The following MOB4 variants were observed in gnomAD, a reference collection of about 807,000 sequenced individuals.
The protein encoded by MOB4 is MOB-like protein phocein.
A neutral mutation model predicts 32.2 loss-of-function variants in MOB4; 4 were observed. The observed-to-expected ratio is 0.12, with a 90% confidence interval of 0.06 to 0.28. The LOEUF is 0.28. Ranked by LOEUF, MOB4 falls within the 10% of genes least tolerant of loss-of-function variation. MOB4 has a pLI of 1.00. For missense variants in MOB4, 158 were observed against 271.2 expected, an observed-to-expected ratio of 0.58 and a Z score of 2.93; for synonymous variants, 88 against 88.1, an observed-to-expected ratio of 1.00 and a Z score of 0.01.
rs1023269864 is a variant in MOB4, at chr2:197,552,919, T to C, written c.*2273T>C. The C allele has an allele frequency of 9.9e-5, 15 of 152,248 alleles. No homozygotes were observed. Among genetic ancestry groups the C allele is most frequent in the Admixed American group, 8.5e-4 (13 of 15,282 alleles). The allele number at this position is 152,248 out of a possible 1,614,324, so 9.4% of individuals were successfully genotyped here. ...CCCTATGTATATCCGAAGGTAAACTTAGGCTTTTCTTTCCAAAAGATCGTA... is the reference window on the plus strand; with the variant it reads ...CCCTATGTATATCCGAAGGTAAACTCAGGCTTTTCTTTCCAAAAGATCGTA... On this transcript the variant is annotated 3_prime_UTR_variant, in exon 8 of 8. Transcript: ENST00000323303.
rs755755601 is a variant in MOB4 at position 197,552,813 on chromosome 2, T to C, written c.*2167T>C. 1 of 152,432 alleles carries C rather than the reference T, an allele frequency of 6.6e-6. No individual in the cohort carries two copies. The highest frequency in any genetic ancestry group is 1.5e-5 in the Non-Finnish European group (1 of 68,030). 9.4% of individuals were successfully genotyped at this position (152,432 alleles called of 1,614,324 possible). On this transcript the variant is annotated 3_prime_UTR_variant, in exon 8 of 8. Coordinates refer to ENST00000323303, the MANE Select transcript of MOB4 (RefSeq NM_015387.5). ...TTAATGAGCCTGGCAAACCATTGAT[T>C]TATAAAAGTAAGTGTTCTAAGAGGG...
intron 1 of MOB4, chr2:197,516,489 AC>A: frequency 1.1e-6 from 1 of 923,652 alleles, no homozygotes; most frequent in Non-Finnish European, 1.5e-6. Flanking sequence ...GAGGGGCGCG[AC>A]CAGCCTGGTG....
In MOB4 at chr2:197,552,030, A is replaced by G. The variant is rs755566958; in HGVS notation, c.*1384A>G. On this transcript the variant is annotated 3_prime_UTR_variant, in exon 8 of 8. Coordinates refer to ENST00000323303, the MANE Select transcript of MOB4 (RefSeq NM_015387.5). ...TGAAGATGAAAATGTATTCATCTTAATTGTTTTTTCAAATTTAAGGGAATA... is the reference window on the plus strand; with the variant it reads ...TGAAGATGAAAATGTATTCATCTTAGTTGTTTTTTCAAATTTAAGGGAATA... 1 of 152,320 alleles carries G rather than the reference A, an allele frequency of 6.6e-6. No homozygotes were observed. The highest frequency in any genetic ancestry group is 1.5e-5 in the Non-Finnish European group (1 of 68,024). 9.4% of individuals were successfully genotyped at this position (152,320 alleles called of 1,614,324 possible). A position where few individuals can be genotyped will look rare whatever the true frequency, so the allele number is the denominator to read the frequency against.
chr2:197,534,612 G>C (rs2106121122), intron 2 of MOB4, among the ~76,000 whole-genome samples: 1 of 152,220 alleles, frequency 6.6e-6, no homozygotes, highest in East Asian at 1.9e-4. Flanking sequence ...GCACGATCTT[G>C]GTTCACTGCA....
chr2:197,516,319 G>T, intron 1 of MOB4, 173 bp downstream of exon 1: 1 of 1,429,170 alleles, frequency 7.0e-7, no homozygotes. Context: ...TGAGGCGGTG[G>T]CGGCCGCCGT....
chr2:197,517,054 T>C (rs887722144), intron 1 of MOB4, among the ~76,000 whole-genome samples: 1 of 152,176 alleles, frequency 6.6e-6, no homozygotes, highest in East Asian at 1.9e-4. Flanking sequence ...AACAAAACAA[T>C]CGTGGAGCTA....
At chr2:197,516,959 G>C (rs1291103439) in intron 1 of MOB4, among the ~76,000 whole-genome samples, 2 of 152,186 alleles carry the variant, frequency 1.3e-5, no homozygotes, top group East Asian at 3.8e-4. Flanking sequence ...ATTGCTAGCC[G>C]AAATGGCTTG....
At chr2:197,544,216 C>T (rs188291177) in intron 5 of MOB4, among the ~76,000 whole-genome samples, 2 of 152,252 alleles carry the variant, frequency 1.3e-5, no homozygotes, top group East Asian at 1.9e-4. Context: ...GGACAACAGG[C>T]GTGCACCACC....
At chr2:197,515,942 C>A (rs893650627), upstream of MOB4, 2 of 804,256 alleles carry the variant, frequency 2.5e-6, no homozygotes, top group Non-Finnish European at 3.9e-6. Flanking sequence ...CCGCTTCTAC[C>A]CGGACGGCTC....
intron 1 of MOB4, chr2:197,516,537 A>G: frequency 1.8e-6 from 1 of 564,096 alleles, no homozygotes; most frequent in East Asian, 6.1e-5. Flanking sequence ...GGGGCCGCTG[A>G]GGTGGGAGGG....
chr2:197,547,456 A>G (rs1180025918), intron 5 of MOB4, among the ~76,000 whole-genome samples: 1 of 152,174 alleles, frequency 6.6e-6, no homozygotes, highest in Non-Finnish European at 1.5e-5. Context: ...TGCTCATGGT[A>G]CTGTTTTTGG....
At chr2:197,515,959 C>G, upstream of MOB4, 1 of 953,954 alleles carries the variant, frequency 1.0e-6, no homozygotes, top group East Asian at 3.1e-5. Context: ...GCTCCCGGCG[C>G]AGGCTGCAGC....
chr2:197,529,023 G>A (rs182021170), intron 2 of MOB4, among the ~76,000 whole-genome samples: 6 of 151,144 alleles, frequency 4.0e-5, no homozygotes, highest in South Asian at 2.1e-4. Flanking sequence ...GTGCAGTGGC[G>A]CGATCTCGGC....
intron 2 of MOB4, among the ~76,000 whole-genome samples, chr2:197,527,909 A>G (rs1044344140): frequency 1.3e-5 from 2 of 152,158 alleles, no homozygotes; most frequent in Non-Finnish European, 2.9e-5. Flanking sequence ...CCGTTTGTAT[A>G]TTAATGTAGT....
intron 2 of MOB4, among the ~76,000 whole-genome samples, chr2:197,534,645 C>A (rs1022153901): frequency 4.6e-5 from 7 of 152,090 alleles, no homozygotes; most frequent in African/African-American, 1.4e-4. Context: ...CGGGTCCAAG[C>A]GATTCTCTTG....
intron 3 of MOB4, among the ~76,000 whole-genome samples, chr2:197,535,898 T>A (rs1204836313): frequency 1.3e-5 from 2 of 150,534 alleles, no homozygotes; most frequent in African/African-American, 4.9e-5. Flanking sequence ...TCTTTTCTTT[T>A]CTTTTTTTTT....
chr2:197,545,387 T>G (rs1160957161), intron 5 of MOB4, among the ~76,000 whole-genome samples: 2 of 152,234 alleles, frequency 1.3e-5, no homozygotes, highest in African/African-American at 4.8e-5. Flanking sequence ...GTTGTTATAC[T>G]GTATTTCTTA....
chr2:197,515,978 C>T, upstream of MOB4: 1 of 1,183,342 alleles, frequency 8.5e-7, no homozygotes, highest in Non-Finnish European at 1.2e-6. Flanking sequence ...GCTGTTCCGT[C>T]AGCTGCCGCT....
intron 2 of MOB4, among the ~76,000 whole-genome samples, chr2:197,527,065 C>T (rs1225715605): frequency 6.6e-6 from 1 of 152,090 alleles, no homozygotes; most frequent in Non-Finnish European, 1.5e-5. Context: ...GCATGAGCCA[C>T]CATGCTCTGA....
Sources: allele counts gnomAD v4.1 joint callset (sites outside exome capture counted in the v4.1 genomes callset), GRCh38; gene constraint gnomAD v4.1.1; transcripts MANE v1.5; gene names NCBI Gene and HGNC (gene_info 2026-07-23, HGNC 2026-07-21).